PHF20: variants seen among roughly 807,000 people sequenced by gnomAD.
The protein encoded by PHF20 is PHD finger protein 20, also known as glioma-expressed antigen 2.
A neutral mutation model predicts 113.5 loss-of-function variants in PHF20; 23 were observed. That is an observed-to-expected ratio of 0.20 (90% CI 0.15 to 0.29). The LOEUF (loss-of-function observed/expected upper bound fraction) is 0.29, where lower values mean the gene tolerates loss of function less well. Among genes scored for constraint, PHF20 ranks in the 10% least tolerant of loss-of-function variants. The pLI is 1.00. For synonymous variants in PHF20, 434 were observed against 457.3 expected (o/e 0.95, Z 0.65); for missense variants, 943 against 1,219.6 (o/e 0.77, Z 3.38).
At chr20:35,913,203 A>G in intron 10 of PHF20, 46 bp from the exon 11 acceptor site, 3 of 1,371,550 alleles carry the variant, frequency 2.2e-6, no homozygotes, top group Non-Finnish European at 3.1e-6. Context: ...GCACCCCAGC[A>G]TTGAAAACAA....
In PHF20 at chr20:35,922,781, G is replaced by A. The variant is rs545296871; in HGVS notation, c.2005-4999G>A. Among the ~76,000 whole-genome samples, 4 of 152,266 alleles carry A rather than the reference G, an allele frequency of 2.6e-5. No homozygotes were observed. The South Asian group carries it at 6.2e-4, about 24-fold the overall frequency. On this transcript the variant is annotated intron_variant, in intron 13 of 17. Transcript: ENST00000374012. ...CCATATGGCCTTGTTGCACCTACTG[G>A]ATTCTTCTTTGAGCAGCTGTAGGCA... is the stretch of plus-strand genomic sequence containing the variant.
intron 10 of PHF20, 76 bp from the exon 11 acceptor site, chr20:35,913,173 C>A: frequency 9.7e-7 from 1 of 1,035,430 alleles, no homozygotes; most frequent in Non-Finnish European, 1.5e-6. Context: ...ATCGGACATG[C>A]TTGCTTAGGA....
At chr20:35,839,390 CAAA>C (rs752680212) in intron 2 of PHF20, among the ~76,000 whole-genome samples, 10 of 67,912 alleles carry the variant, frequency 1.5e-4, no homozygotes, top group Non-Finnish European at 1.5e-4. Flanking sequence ...GATTCCATCT[CAAA>C]AAAAAAAAAA....
intron 10 of PHF20, among the ~76,000 whole-genome samples, chr20:35,911,817 CCTGA>C: frequency 6.6e-6 from 1 of 152,026 alleles, no homozygotes; most frequent in Admixed American, 6.6e-5. Context: ...TGCCACCACG[CCTGA>C]CTAATTTTTA....
chr20:35,799,304 A>AAG (rs1311893559), intron 1 of PHF20, among the ~76,000 whole-genome samples: 20 of 150,208 alleles, frequency 1.3e-4, no homozygotes, highest in African/African-American at 4.6e-4. Flanking sequence ...AAAAAAAAAA[A>AAG]AAAAAAAAAA....
At chr20:35,792,169 T>A (rs991749643) in intron 1 of PHF20, among the ~76,000 whole-genome samples, 5 of 151,898 alleles carry the variant, frequency 3.3e-5, no homozygotes, top group African/African-American at 1.2e-4. Context: ...GTGGGTGAAG[T>A]TTTGAGGCCT....
intron 1 of PHF20, among the ~76,000 whole-genome samples, chr20:35,791,083 TC>T (rs1287105043): frequency 6.6e-6 from 1 of 152,068 alleles, no homozygotes; most frequent in Non-Finnish European, 1.5e-5. Flanking sequence ...GGTCTTGAAC[TC>T]CTGACCTTGT....
chr20:35,818,415 C>T (rs1833846233), intron 2 of PHF20, among the ~76,000 whole-genome samples: 1 of 152,160 alleles, frequency 6.6e-6, no homozygotes, highest in African/African-American at 2.4e-5. Context: ...CATGTGCCGC[C>T]ACCCTTGGCT....
chr20:35,916,496 C>T (rs2055405998), intron 12 of PHF20, among the ~76,000 whole-genome samples: 1 of 152,216 alleles, frequency 6.6e-6, no homozygotes, highest in African/African-American at 2.4e-5. Context: ...GAGACGGAGT[C>T]TCACTCTGTC....
At chr20:35,793,146 T>C (rs2041591355) in intron 1 of PHF20, among the ~76,000 whole-genome samples, 1 of 152,100 alleles carries the variant, frequency 6.6e-6, no homozygotes, top group African/African-American at 2.4e-5. Flanking sequence ...GTCTCAACCT[T>C]CTAGGTTCAA....
chr20:35,905,439 T>C lies in PHF20; in HGVS notation c.1561+5791T>C, dbSNP rs141016801. 9.9e-5 allele frequency among the ~76,000 whole-genome samples: 15 copies of C among 152,284 alleles called. No individual in the cohort carries two copies. In the East Asian group the frequency reaches 2.9e-3, roughly 29 times the overall value. On this transcript the variant is annotated intron_variant, in intron 10 of 17. Coordinates refer to ENST00000374012, the MANE Select transcript of PHF20 (RefSeq NM_016436.5). ...CAATAATTAAGTTTAAATGATGTCATGAGGTTGGGGCCTTCATGATGGGAT... is the reference window on the plus strand; with the variant it reads ...CAATAATTAAGTTTAAATGATGTCACGAGGTTGGGGCCTTCATGATGGGAT...
At chr20:35,805,024 C>T (rs2041855389) in intron 2 of PHF20, among the ~76,000 whole-genome samples, 2 of 151,952 alleles carry the variant, frequency 1.3e-5, no homozygotes, top group East Asian at 1.9e-4. Flanking sequence ...GCCTCAGCCT[C>T]CTGAGTATGT....
chr20:35,875,180 T>A (rs549899909), intron 9 of PHF20, among the ~76,000 whole-genome samples: 10 of 152,038 alleles, frequency 6.6e-5, no homozygotes, highest in Non-Finnish European at 1.3e-4. Context: ...GGCAGATCAT[T>A]TGAGGTCAGG....
intron 10 of PHF20, among the ~76,000 whole-genome samples, chr20:35,909,306 T>TGTA (rs1477030738): frequency 1.3e-5 from 2 of 151,676 alleles, no homozygotes; most frequent in Non-Finnish European, 2.9e-5. Flanking sequence ...CTGAATAGAA[T>TGTA]GTAGCTCTGT....
chr20:35,827,178 C>T (rs1028722802), intron 2 of PHF20, among the ~76,000 whole-genome samples: 47 of 152,156 alleles, frequency 3.1e-4, no homozygotes, highest in Middle Eastern at 3.4e-3. Flanking sequence ...TTTGGCTCAC[C>T]GCAACCTCTG....
rs544984203 is a variant in PHF20 at position 35,919,321 on chromosome 20, A to G, written c.2004+1659A>G. On this transcript the variant is annotated intron_variant, in intron 13 of 17. Transcript: ENST00000374012. ...CGTGAGCCACCGCGCCTGGCAAAAT[A>G]TTTTTGTTATGGTAATTTTTTTTTT... Among the ~76,000 whole-genome samples the G allele has an allele frequency of 1.9e-3, 266 of 141,352 alleles. 3 individuals carry two copies. The highest frequency in any genetic ancestry group is 8.8e-3 in the Middle Eastern group (2 of 226). The allele number at this position is 141,352 out of a possible 152,430, so 92.7% of individuals were successfully genotyped here.
intron 2 of PHF20, among the ~76,000 whole-genome samples, chr20:35,803,094 A>G (rs2041812486): frequency 6.7e-6 from 1 of 149,712 alleles, no homozygotes; most frequent in South Asian, 2.1e-4. Flanking sequence ...TTTACTAAAA[A>G]TATAAAAATT....
At chr20:35,808,807 C>T (rs2041928199) in intron 2 of PHF20, among the ~76,000 whole-genome samples, 1 of 151,124 alleles carries the variant, frequency 6.6e-6, no homozygotes, top group African/African-American at 2.4e-5. Context: ...CTCCTGACCT[C>T]GTGATCTGCT....
At chr20:35,791,753 G>T (rs1249551016) in intron 1 of PHF20, among the ~76,000 whole-genome samples, 1 of 151,752 alleles carries the variant, frequency 6.6e-6, no homozygotes, top group Non-Finnish European at 1.5e-5. Context: ...GCATCCACTT[G>T]GCAATGGCTG....
Sources: gnomAD v4.1 joint callset for allele counts (sites outside exome capture counted in the v4.1 genomes callset) on GRCh38, gnomAD v4.1.1 for gene constraint, MANE v1.5 for transcripts, NCBI Gene and HGNC (gene_info 2026-07-23, HGNC 2026-07-21) for gene names.